ARHGAP31: variants seen among roughly 807,000 people sequenced by gnomAD.
ARHGAP31 encodes Rho GTPase activating protein 31.
A neutral mutation model predicts 113.9 loss-of-function variants in ARHGAP31; 34 were observed. The observed-to-expected ratio is 0.30, with a 90% confidence interval of 0.23 to 0.40. ARHGAP31 has a LOEUF of 0.40. ARHGAP31 is among the 10% of genes least tolerant of loss of function. The pLI, the probability that ARHGAP31 is intolerant of heterozygous loss-of-function variation, is 1.00. For synonymous variants in ARHGAP31, 650 were observed against 684.8 expected (o/e 0.95, Z 0.79); for missense variants, 1,548 against 1,767.1 (o/e 0.88, Z 2.22).
At chr3:119,374,505 C>T (rs996666423) in intron 3 of ARHGAP31, among the ~76,000 whole-genome samples, 4 of 152,142 alleles carry the variant, frequency 2.6e-5, no homozygotes, top group African/African-American at 9.7e-5. Flanking sequence ...GCTCTGTCCC[C>T]ACCCAAACCT....
At chr3:119,310,737 G>A (rs568521496) in intron 1 of ARHGAP31, among the ~76,000 whole-genome samples, 2 of 152,258 alleles carry the variant, frequency 1.3e-5, no homozygotes, top group South Asian at 4.2e-4. Flanking sequence ...GTTGGGGACT[G>A]CTGGCTTAGA....
chr3:119,405,438 C>G (rs1359573319), intron 10 of ARHGAP31, among the ~76,000 whole-genome samples: 2 of 152,190 alleles, frequency 1.3e-5, no homozygotes, highest in East Asian at 3.9e-4. Context: ...GGCTCACCCC[C>G]ACAGTCACAT....
At chr3:119,399,860 G>C (rs1316061112) in intron 9 of ARHGAP31, among the ~76,000 whole-genome samples, 1 of 152,148 alleles carries the variant, frequency 6.6e-6, no homozygotes, top group Non-Finnish European at 1.5e-5. Context: ...TTGCACATGA[G>C]GTAACACCGA....
At chr3:119,327,623 T>G (rs1255922530) in intron 1 of ARHGAP31, among the ~76,000 whole-genome samples, 3 of 152,228 alleles carry the variant, frequency 2.0e-5, no homozygotes, top group Non-Finnish European at 4.4e-5. Flanking sequence ...CACTCACTTC[T>G]TCCTGCTTTA....
intron 10 of ARHGAP31, among the ~76,000 whole-genome samples, chr3:119,408,029 AGC>A (rs1304320406): frequency 2.1e-4 from 14 of 66,514 alleles, no homozygotes; most frequent in African/African-American, 7.2e-4. Flanking sequence ...ACATATTACA[AGC>A]AACCTAGAGA....
intron 1 of ARHGAP31, among the ~76,000 whole-genome samples, chr3:119,336,430 A>AT (rs1481712096): frequency 6.6e-6 from 1 of 152,136 alleles, no homozygotes; most frequent in Non-Finnish European, 1.5e-5. Context: ...ATGTACCATC[A>AT]TGCAGCAGCG....
chr3:119,305,847 A>G (rs2079626916), intron 1 of ARHGAP31, among the ~76,000 whole-genome samples: 1 of 152,240 alleles, frequency 6.6e-6, no homozygotes, highest in Non-Finnish European at 1.5e-5. Context: ...TTAAAGCTGT[A>G]GCTGCCCTGG....
At chr3:119,336,829 T>C (rs141158318) in intron 1 of ARHGAP31, among the ~76,000 whole-genome samples, 1 of 152,136 alleles carries the variant, frequency 6.6e-6, no homozygotes, top group Non-Finnish European at 1.5e-5. Context: ...TCCCACCTAC[T>C]CTCCCGGCCC....
intron 1 of ARHGAP31, among the ~76,000 whole-genome samples, chr3:119,345,974 A>G (rs923298989): frequency 1.3e-5 from 2 of 152,206 alleles, no homozygotes; most frequent in African/African-American, 2.4e-5. Context: ...TGCAGATCCT[A>G]TAGATTTAGA....
intron 3 of ARHGAP31, among the ~76,000 whole-genome samples, chr3:119,379,665 A>G (rs2080378208): frequency 6.6e-6 from 1 of 152,198 alleles, no homozygotes; most frequent in South Asian, 2.1e-4. Context: ...ACTGGTAGGA[A>G]ATACAAGACT....
At chr3:119,302,488 A>T (rs2079592888) in intron 1 of ARHGAP31, among the ~76,000 whole-genome samples, 1 of 152,240 alleles carries the variant, frequency 6.6e-6, no homozygotes. Flanking sequence ...GGACTTAGAC[A>T]TGAAGTCTGA....
rs540159983 is a variant in ARHGAP31, at chr3:119,374,935, A to G, written c.349-5969A>G. Among the ~76,000 whole-genome samples the G allele has an allele frequency of 6.6e-5, 10 of 152,336 alleles. No homozygotes were observed. In the East Asian group the frequency reaches 1.9e-3, roughly 29 times the overall value. ...TATAAAGTTAAATGGGGAAAAAAGC[A>G]GTATCTGTAACTAAACAGGAAATAA... is the stretch of plus-strand genomic sequence containing the variant. On this transcript the variant is annotated intron_variant, in intron 3 of 11. Coordinates refer to ENST00000264245, the MANE Select transcript of ARHGAP31 (RefSeq NM_020754.4).
At chr3:119,367,105 A>C (rs1206219763) in intron 2 of ARHGAP31, among the ~76,000 whole-genome samples, 1 of 151,194 alleles carries the variant, frequency 6.6e-6, no homozygotes, top group African/African-American at 2.4e-5. Context: ...AAAAAAAAAA[A>C]ATAGCATGGC....
intron 3 of ARHGAP31, among the ~76,000 whole-genome samples, chr3:119,376,209 C>T (rs73187859): frequency 0.16 from 24,708 of 152,216 alleles, 2,101 homozygotes; most frequent in Middle Eastern, 0.24. Context: ...TCCCTTAGGG[C>T]CAGGCTTGGT....
intron 1 of ARHGAP31, among the ~76,000 whole-genome samples, chr3:119,353,744 C>G (rs1012145193): frequency 7.6e-5 from 11 of 144,422 alleles, no homozygotes; most frequent in African/African-American, 2.8e-4. Flanking sequence ...GCCAAGATTG[C>G]ACCACTGCAC....
intron 1 of ARHGAP31, among the ~76,000 whole-genome samples, chr3:119,346,083 G>C (rs904897655): frequency 1.6e-4 from 25 of 152,168 alleles, no homozygotes; most frequent in African/African-American, 6.0e-4. Flanking sequence ...CCCCAGGGAA[G>C]TCTCCTCAAC....
At chr3:119,328,677 G>A (rs1047325425) in intron 1 of ARHGAP31, among the ~76,000 whole-genome samples, 1 of 151,186 alleles carries the variant, frequency 6.6e-6, no homozygotes, top group African/African-American at 2.4e-5. Flanking sequence ...GTCTCACTGT[G>A]TTGCCCAGGC....
chr3:119,344,177 A>C (rs1465015513), intron 1 of ARHGAP31, among the ~76,000 whole-genome samples: 1 of 152,252 alleles, frequency 6.6e-6, no homozygotes, highest in Non-Finnish European at 1.5e-5. Context: ...GTCCCATGCA[A>C]TACTGGGGGC....
intron 1 of ARHGAP31, among the ~76,000 whole-genome samples, chr3:119,335,134 G>A (rs2079931641): frequency 6.6e-6 from 1 of 152,002 alleles, no homozygotes; most frequent in South Asian, 2.1e-4. Context: ...GCCAACAAAA[G>A]TCTATGCAGA....
Sources: allele counts gnomAD v4.1 joint callset (sites outside exome capture counted in the v4.1 genomes callset), GRCh38; gene constraint gnomAD v4.1.1; transcripts MANE v1.5; gene names NCBI Gene and HGNC (gene_info 2026-07-23, HGNC 2026-07-21).